DGKB: variants seen among roughly 807,000 people sequenced by gnomAD.
DGKB encodes the protein diacylglycerol kinase beta.
DGKB carries 67 observed loss-of-function variants against 114.3 expected under a neutral mutation model. The ratio of observed to expected loss-of-function variants is 0.59; its 90% CI spans 0.48 to 0.72. DGKB has a LOEUF of 0.72. DGKB is among the 30% of genes least tolerant of loss of function. The pLI, the probability that DGKB is intolerant of heterozygous loss-of-function variation, is 0.00. For missense variants in DGKB, 907 were observed against 975.2 expected (o/e 0.93, Z 0.93); for synonymous variants, 398 against 323.1 (o/e 1.23, Z -2.49).
At position 14,841,913 on chromosome 7, in the gene DGKB, T is replaced by A. The variant is rs558306115; in HGVS notation, c.-187-463A>T. Reference sequence around the variant, plus strand: ...TCAAATAAAGATTAAGTTTTAGTTTTATGATTTAAAAAAATTCAAAAGATT... The same window carrying A: ...TCAAATAAAGATTAAGTTTTAGTTTAATGATTTAAAAAAATTCAAAAGATT... On this transcript the variant is annotated intron_variant, in intron 1 of 25. Coordinates refer to ENST00000402815, the MANE Select transcript of DGKB (RefSeq NM_001350709.2). Among the ~76,000 whole-genome samples the A allele has an allele frequency of 2.0e-5, 3 of 152,342 alleles. No homozygotes were observed. In the South Asian group the frequency reaches 6.2e-4, roughly 32 times the overall value.
At chr7:14,830,597 T>C (rs952996421) in intron 2 of DGKB, among the ~76,000 whole-genome samples, 2 of 152,072 alleles carry the variant, frequency 1.3e-5, no homozygotes, top group Non-Finnish European at 2.9e-5. Flanking sequence ...GACAATGGAT[T>C]GCCTTGATTC....
chr7:14,566,075 A>T (rs967203216), intron 20 of DGKB, among the ~76,000 whole-genome samples: 5 of 152,120 alleles, frequency 3.3e-5, no homozygotes, highest in African/African-American at 1.2e-4. Context: ...CATTATACTT[A>T]TATAATTTAA....
intron 2 of DGKB, among the ~76,000 whole-genome samples, chr7:14,760,751 C>T (rs1835565349): frequency 6.6e-6 from 1 of 152,096 alleles, no homozygotes; most frequent in Non-Finnish European, 1.5e-5. Flanking sequence ...TGCCCCACAA[C>T]TTTAGAGACA....
At chr7:14,966,107 ATTGG>A (rs1262203234) in intron 1 of DGKB, among the ~76,000 whole-genome samples, 2 of 152,086 alleles carry the variant, frequency 1.3e-5, no homozygotes, top group African/African-American at 4.8e-5. Context: ...AAATCTTAAT[ATTGG>A]TTGAAGTTTT....
intron 1 of DGKB, among the ~76,000 whole-genome samples, chr7:14,969,294 T>C (rs570774602): frequency 6.6e-6 from 1 of 152,310 alleles, no homozygotes; most frequent in South Asian, 2.1e-4. Context: ...TGATTGCAGA[T>C]ACCCTCCAGC....
intron 13 of DGKB, among the ~76,000 whole-genome samples, chr7:14,669,080 C>T (rs1818526856): frequency 6.6e-6 from 1 of 152,162 alleles, no homozygotes; most frequent in African/African-American, 2.4e-5. Flanking sequence ...CTAGGTGACA[C>T]AGGCTTCTTA....
intron 2 of DGKB, chr7:14,815,080 G>A (rs886303088): frequency 6.6e-6 from 1 of 152,156 alleles, no homozygotes; most frequent in African/African-American, 2.4e-5. Context: ...GTATAAACAG[G>A]AAATGGATTG....
intron 2 of DGKB, among the ~76,000 whole-genome samples, chr7:14,827,844 A>G (rs1845903921): frequency 6.6e-6 from 1 of 151,996 alleles, no homozygotes; most frequent in African/African-American, 2.4e-5. Flanking sequence ...AACTCAAAAT[A>G]TTTGTCAGGC....
chr7:14,692,186 C>A (rs1007163064), intron 9 of DGKB, among the ~76,000 whole-genome samples: 2 of 151,508 alleles, frequency 1.3e-5, no homozygotes, highest in African/African-American at 4.9e-5. Flanking sequence ...CAAAAAAAAT[C>A]ATCATTTCAA....
At chr7:14,802,221 A>G (rs980131271) in intron 2 of DGKB, among the ~76,000 whole-genome samples, 2 of 152,142 alleles carry the variant, frequency 1.3e-5, no homozygotes, top group African/African-American at 4.8e-5. Flanking sequence ...AATGATTCCA[A>G]TTATTGCCAC....
chr7:14,658,748 A>T (rs1327793568), intron 13 of DGKB, among the ~76,000 whole-genome samples: 2 of 151,806 alleles, frequency 1.3e-5, no homozygotes, highest in African/African-American at 4.8e-5. Flanking sequence ...ATTTTAATAA[A>T]TATGATTTAA....
intron 1 of DGKB, among the ~76,000 whole-genome samples, chr7:14,927,708 A>G (rs1181779658): frequency 1.3e-5 from 2 of 151,950 alleles, no homozygotes; most frequent in African/African-American, 2.4e-5. Context: ...TTAAGCTACA[A>G]TATCTATGTT....
chr7:14,662,140 G>T (rs1035034436), intron 13 of DGKB, among the ~76,000 whole-genome samples: 32 of 151,782 alleles, frequency 2.1e-4, no homozygotes, highest in African/African-American at 7.5e-4. Flanking sequence ...CACCAGCATG[G>T]CACATGTATA....
intron 1 of DGKB, among the ~76,000 whole-genome samples, chr7:14,970,644 G>A (rs944468120): frequency 6.6e-6 from 1 of 152,086 alleles, no homozygotes; most frequent in Non-Finnish European, 1.5e-5. Context: ...GTGAAAGCGG[G>A]TAAAATTGCC....
At chr7:14,842,035 T>C (rs1848008692) in intron 1 of DGKB, among the ~76,000 whole-genome samples, 2 of 152,224 alleles carry the variant, frequency 1.3e-5, no homozygotes, top group Admixed American at 6.5e-5. Flanking sequence ...CTCTAGGTTG[T>C]CATGGACCTA....
At chr7:14,167,993 G>A (rs529447964) in intron 25 of DGKB, among the ~76,000 whole-genome samples, 5 of 152,144 alleles carry the variant, frequency 3.3e-5, no homozygotes, top group Non-Finnish European at 7.3e-5. Flanking sequence ...CAAACCCTGA[G>A]ATGATACAAT....
chr7:14,247,344 G>C lies in DGKB; in HGVS notation c.2123-69193C>G, dbSNP rs554064058. 4.6e-5 allele frequency among the ~76,000 whole-genome samples: 7 copies of C among 152,148 alleles called. 1 individual carries two copies. In the South Asian group the frequency reaches 1.4e-3, roughly 32 times the overall value. ...AGTACAGATATTTCTTCAACACATT[G>C]AGCTCATTTTCTTATATGTACCCAG... On this transcript the variant is annotated intron_variant, in intron 23 of 25. Transcript: ENST00000402815.
At chr7:14,231,258 A>G (rs940358423) in intron 23 of DGKB, among the ~76,000 whole-genome samples, 3 of 151,636 alleles carry the variant, frequency 2.0e-5, no homozygotes, top group Non-Finnish European at 4.4e-5. Flanking sequence ...CTGTGCCCCT[A>G]GAGTAGCTGG....
intron 1 of DGKB, among the ~76,000 whole-genome samples, chr7:14,846,704 G>C (rs757300786): frequency 1.8e-4 from 28 of 152,128 alleles, no homozygotes; most frequent in Admixed American, 1.6e-3. Context: ...TCTAATTCTG[G>C]CTTTCTCTTC....
Sources: gnomAD v4.1 joint callset for allele counts (sites outside exome capture counted in the v4.1 genomes callset) on GRCh38, gnomAD v4.1.1 for gene constraint, MANE v1.5 for transcripts, NCBI Gene and HGNC (gene_info 2026-07-23, HGNC 2026-07-21) for gene names.